Variants in METRNL observed in about 807,000 individuals in gnomAD.
METRNL encodes the protein meteorin like, glial cell differentiation regulator.
Under a neutral mutation model 17.4 loss-of-function variants are expected in METRNL, and 9 were observed. The ratio of observed to expected loss-of-function variants is 0.52; its 90% confidence interval spans 0.31 to 0.90. The LOEUF is 0.90. Among genes scored for constraint, METRNL ranks in the 40% least tolerant of loss-of-function variants. The probability of loss-of-function intolerance (pLI) is 0.05; values close to 1 mark genes in which losing one functional copy is unlikely to be tolerated. For synonymous variants in METRNL, 215 were observed against 199.3 expected, an observed-to-expected ratio of 1.08 and a Z score of -0.66; for missense variants, 408 against 430.7, an observed-to-expected ratio of 0.95 and a Z score of 0.47.
rs2038187151 is a variant in METRNL, at chr17:83,094,984, AGTT to A, written c.*413_*415del. 1 of 196,376 alleles carries A rather than the reference AGTT, an allele frequency of 5.1e-6. No homozygotes were observed. Among genetic ancestry groups the A allele is most frequent in the Non-Finnish European group, 1.0e-5 (1 of 97,858 alleles). The allele number at this position is 196,376 out of a possible 1,614,324, so 12.2% of individuals were successfully genotyped here. A position where few individuals can be genotyped will look rare whatever the true frequency, so the allele number is the denominator to read the frequency against. Reference sequence around the variant, plus strand: ...GGATGTGTGAAAAGGTGCCATTCAGAGTTGTTATTCTCATGACGGAAGTTTTGG... The same window carrying A: ...GGATGTGTGAAAAGGTGCCATTCAGAGTTATTCTCATGACGGAAGTTTTGG... On this transcript the variant is annotated 3_prime_UTR_variant, in exon 4 of 4. Coordinates refer to ENST00000320095, the MANE Select transcript of METRNL (RefSeq NM_001004431.3).
At chr17:83,091,956 G>A (rs186592194) in intron 2 of METRNL, among the ~76,000 whole-genome samples, 63 of 152,326 alleles carry the variant, frequency 4.1e-4, no homozygotes, top group Admixed American at 2.0e-3. Flanking sequence ...AATGCGGGGC[G>A]TGCAGAGGTT....
chr17:83,083,798 C>A (rs762642594), intron 1 of METRNL, among the ~76,000 whole-genome samples: 1 of 152,214 alleles, frequency 6.6e-6, no homozygotes, highest in East Asian at 1.9e-4. Flanking sequence ...TCTGGTGACT[C>A]GCTCAGGCCA....
At chr17:83,082,128 C>G in intron 1 of METRNL, 1 of 985,432 alleles carries the variant, frequency 1.0e-6, no homozygotes, top group Non-Finnish European at 1.2e-6. Context: ...ACCAGCGCCC[C>G]GTCTTTATCA....
At position 83,094,808 on chromosome 17, in the gene METRNL, A is replaced by AT. The variant is rs1261200229; in HGVS notation, c.*242dup. The AT allele has an allele frequency of 3.0e-4, 118 of 387,040 alleles. No individual in the cohort carries two copies. Among genetic ancestry groups the AT allele is most frequent in the Non-Finnish European group, 3.8e-4 (83 of 219,662 alleles). 24.0% of individuals were successfully genotyped at this position (387,040 alleles called of 1,614,324 possible). ...TGTAAAATGCAAACTAAGTTATTAT[A>AT]TTTTTTTTTGGTAAAAAAGAAATGT... On this transcript the variant is annotated 3_prime_UTR_variant, in exon 4 of 4. Coordinates refer to ENST00000320095, the MANE Select transcript of METRNL (RefSeq NM_001004431.3).
Position 83,085,000 on chromosome 17 carries a change from G to A in METRNL, c.233G>A (p.Gly78Asp). 1 of 1,613,742 alleles carries A rather than the reference G, an allele frequency of 6.2e-7. No individual in the cohort carries two copies. Among genetic ancestry groups the A allele is most frequent in the East Asian group, 2.2e-5 (1 of 44,888 alleles). The change falls in exon 2 of 4, where the codon GGT (glycine) becomes GAT (aspartate). Residue 78 changes from glycine to aspartate, a missense_variant. Gly to Asp is a moderately conservative substitution (Grantham distance 94). Transcript: ENST00000320095. ...VEQVYLRCAA[G>D]AVEWMYPTGA... ...CAGGTGTATCTGCGCTGTGCGGCGGGTGCCGTGGAGTGGATGTACCCAACA... is the reference window on the plus strand; with the variant it reads ...CAGGTGTATCTGCGCTGTGCGGCGGATGCCGTGGAGTGGATGTACCCAACA...
At chr17:83,082,297 G>A (rs570762837) in intron 1 of METRNL, 737 of 980,884 alleles carry the variant, frequency 7.5e-4, no homozygotes, top group Non-Finnish European at 8.6e-4. Flanking sequence ...TACAGGAGCC[G>A]GGCATTTTGT....
Position 83,094,700 on chromosome 17 carries a change from C to A in METRNL, c.*125C>A. 1.4e-6 allele frequency: 1 copy of A among 701,502 alleles called. No homozygotes were observed. The highest frequency in any genetic ancestry group is 2.0e-6 in the Non-Finnish European group (1 of 497,910). The allele number at this position is 701,502 out of a possible 1,614,324, so 43.5% of individuals were successfully genotyped here. ...CGCATGCCCTGGGCCCAGGCCTGAC[C>A]CTGGTACCGAAGCTGTGGACGTTCT... On this transcript the variant is annotated 3_prime_UTR_variant, in exon 4 of 4. Transcript: ENST00000320095.
At position 83,094,563 on chromosome 17, in the gene METRNL, T is replaced by A; in HGVS notation, c.924T>A (p.Val308=). Residue 308 remains valine (V), a synonymous_variant, in exon 4 of 4, where the codon GTT becomes GTA. Coordinates refer to ENST00000320095, the MANE Select transcript of METRNL (RefSeq NM_001004431.3). ...AQERGLNPCE[V]GTD ...AGAGGGGGCTGAACCCTTGTGAGGT[T>A]GGCACGGACTGACTCCGTGGGCCGC... The A allele has an allele frequency of 6.8e-7, 1 of 1,474,094 alleles. No individual in the cohort carries two copies. The highest frequency in any genetic ancestry group is 1.4e-5 in the African/African-American group (1 of 71,286). 91.3% of individuals were successfully genotyped at this position (1,474,094 alleles called of 1,614,324 possible).
intron 1 of METRNL, chr17:83,082,093 C>T (rs2037996423): frequency 3.0e-6 from 3 of 985,320 alleles, no homozygotes; most frequent in Non-Finnish European, 3.6e-6. Flanking sequence ...GATGATGAAA[C>T]CTCCCTTCCG....
At chr17:83,084,013 A>C (rs1022513760) in intron 1 of METRNL, 2 of 152,232 alleles carry the variant, frequency 1.3e-5, no homozygotes, top group Non-Finnish European at 2.9e-5. Flanking sequence ...CAGTTTCTTG[A>C]AAATATAACT....
intron 1 of METRNL, chr17:83,084,605 G>A (rs1463456197): frequency 1.1e-5 from 4 of 366,262 alleles, no homozygotes; most frequent in South Asian, 6.4e-5. Context: ...TTGACGCTAC[G>A]GCAGCAGAGG....
chr17:83,087,059 G>C (rs2038060784), intron 2 of METRNL, among the ~76,000 whole-genome samples: 1 of 152,120 alleles, frequency 6.6e-6, no homozygotes, highest in African/African-American at 2.4e-5. Flanking sequence ...GGAGTGACTT[G>C]AGCCCCAAGG....
At chr17:83,087,654 C>T (rs1005042584) in intron 2 of METRNL, among the ~76,000 whole-genome samples, 6 of 152,226 alleles carry the variant, frequency 3.9e-5, no homozygotes, top group Admixed American at 1.3e-4. Context: ...ACGCCATCCC[C>T]TGGGCCAGGC....
Position 83,085,169 on chromosome 17 carries a change from G to A in METRNL, c.402G>A (p.Gly134=). The change falls in exon 2 of 4, where the codon GGG becomes GGA. Residue 134 remains glycine, a synonymous_variant. Coordinates refer to ENST00000320095, the MANE Select transcript of METRNL (RefSeq NM_001004431.3). ...TGELRLLVPD[G]DGRPGRVQCF... ...AACTGAGACTGCTGGTACCAGACGG[G>A]GACGGCAGGCCCGGCCGGGTGCAGT... The A allele has an allele frequency of 6.2e-7, 1 of 1,612,488 alleles. No individual in the cohort carries two copies. The highest frequency in any genetic ancestry group is 1.1e-5 in the South Asian group (1 of 91,044).
At chr17:83,085,427 T>G in intron 2 of METRNL, 104 bp downstream of exon 2, 1 of 1,389,294 alleles carries the variant, frequency 7.2e-7, no homozygotes, top group South Asian at 1.4e-5. Context: ...TGCTCAGCCT[T>G]GGTGAAAACC....
intron 1 of METRNL, chr17:83,082,309 C>T (rs964897177): frequency 2.1e-6 from 2 of 970,784 alleles, no homozygotes; most frequent in African/African-American, 1.8e-5. Flanking sequence ...GCATTTTGTC[C>T]TGGTGACCCA....
intron 2 of METRNL, among the ~76,000 whole-genome samples, chr17:83,089,315 C>T (rs990648693): frequency 5.3e-5 from 8 of 152,064 alleles, no homozygotes; most frequent in Middle Eastern, 3.2e-3. Context: ...CCCGCTACCC[C>T]GTCACCACCT....
intron 2 of METRNL, 135 bp downstream of exon 2, chr17:83,085,458 A>G (rs2038042161): frequency 8.1e-7 from 1 of 1,238,156 alleles, no homozygotes; most frequent in East Asian, 2.6e-5. Flanking sequence ...TGTGCTTCGG[A>G]CATGACTGTT....
Position 83,094,330 on chromosome 17 carries a change from A to G in METRNL, c.691A>G (p.Arg231Gly). 1 of 1,609,226 alleles carries G rather than the reference A, an allele frequency of 6.2e-7. No homozygotes were observed. Among genetic ancestry groups the G allele is most frequent in the South Asian group, 1.1e-5 (1 of 90,694 alleles). ...QDSAIHLRVS[R>G]LYRQKSRVFE... ...CTCAGCCATCCACCTGCGCGTGAGC[A>G]GACTCTATCGGCAGAAAAGCAGGGT... is the stretch of plus-strand genomic sequence containing the variant. The change falls in exon 4 of 4, where the codon AGA becomes GGA. Residue 231 changes from arginine (R) to glycine (G), a missense_variant. By Grantham distance (125) the Arg-to-Gly change is moderately radical. Transcript: ENST00000320095.
Sources: gnomAD v4.1 joint callset for allele counts (sites outside exome capture counted in the v4.1 genomes callset) on GRCh38, gnomAD v4.1.1 for gene constraint, MANE v1.5 for transcripts, NCBI Gene and HGNC (gene_info 2026-07-23, HGNC 2026-07-21) for gene names.